The following SKAP1 variants were observed in gnomAD, a reference collection of about 807,000 sequenced individuals.
The protein encoded by SKAP1 is src kinase associated phosphoprotein 1, also known as src kinase-associated phosphoprotein 1.
SKAP1 carries 44 observed loss-of-function variants against 58.5 expected under a neutral mutation model. The observed-to-expected ratio is 0.75, with a 90% confidence interval of 0.59 to 0.97. SKAP1 has a LOEUF of 0.97. Among genes scored for constraint, SKAP1 ranks in the 50% least tolerant of loss-of-function variants. The pLI, the probability that SKAP1 is intolerant of heterozygous loss-of-function variation, is 0.00. For missense variants in SKAP1, 390 were observed against 435.2 expected (o/e 0.90, Z 0.92); for synonymous variants, 127 against 149.7 (o/e 0.85, Z 1.11).
intron 4 of SKAP1, among the ~76,000 whole-genome samples, chr17:48,242,099 C>T (rs967956098): frequency 8.5e-5 from 13 of 152,196 alleles, no homozygotes; most frequent in Admixed American, 1.3e-4. Flanking sequence ...TCTGCGTTTG[C>T]AGTAACTGCT....
chr17:48,260,382 G>C (rs368641872), intron 4 of SKAP1, among the ~76,000 whole-genome samples: 1 of 152,110 alleles, frequency 6.6e-6, no homozygotes, highest in African/African-American at 2.4e-5. Flanking sequence ...TTGTGTACAA[G>C]AGGCTATTAA....
At chr17:48,307,254 G>A (rs550934800) in intron 4 of SKAP1, 1 of 152,340 alleles carries the variant, frequency 6.6e-6, no homozygotes, top group East Asian at 1.9e-4. Context: ...CATTTTGGTA[G>A]AACTATTCCA....
chr17:48,413,523 A>AAAAAATATATATATATATATATATATAT, intron 1 of SKAP1, among the ~76,000 whole-genome samples: 1 of 105,462 alleles, frequency 9.5e-6, no homozygotes, highest in Non-Finnish European at 1.9e-5. Flanking sequence ...TCAAAAAAAA[A>AAAAAATATATATATATATATATATATAT]ATATATATAT....
intron 4 of SKAP1, among the ~76,000 whole-genome samples, chr17:48,341,350 T>C (rs2066649096): frequency 6.6e-6 from 1 of 152,158 alleles, no homozygotes; most frequent in Admixed American, 6.5e-5. Context: ...TTAAAATAGA[T>C]TCATATCTAA....
intron 2 of SKAP1, among the ~76,000 whole-genome samples, chr17:48,365,729 G>A (rs1456681796): frequency 1.3e-5 from 2 of 150,888 alleles, no homozygotes; most frequent in African/African-American, 2.4e-5. Flanking sequence ...TATAAGGGAT[G>A]CTTTTCTATC....
At chr17:48,221,940 A>T (rs68144131) in intron 4 of SKAP1, among the ~76,000 whole-genome samples, 4,821 of 152,286 alleles carry the variant, frequency 0.032, 93 homozygotes, top group East Asian at 0.053. Context: ...CTGATGATAA[A>T]GGAGGGAGAA....
intron 4 of SKAP1, among the ~76,000 whole-genome samples, chr17:48,331,415 A>T (rs1166781691): frequency 6.6e-6 from 1 of 152,168 alleles, no homozygotes; most frequent in African/African-American, 2.4e-5. Flanking sequence ...AGATAATCAC[A>T]TAGGCTGGGC....
chr17:48,405,442 TTTCTTTCTTTTCTTTCTTTCTTTCC>T (rs2067565393), intron 1 of SKAP1, among the ~76,000 whole-genome samples: 1 of 78,342 alleles, frequency 1.3e-5, no homozygotes, highest in Non-Finnish European at 2.7e-5. Context: ...TCTTTCTTTC[TTTCTTTCTTTTCTTTCTTTCTTTCC>T]TTCCTTCCTT....
rs752051232 is a variant in SKAP1 at position 48,182,558 on chromosome 17, A to G, written c.568-101T>C. On this transcript the variant is annotated intron_variant, in intron 7 of 12. Coordinates refer to ENST00000336915, the MANE Select transcript of SKAP1 (RefSeq NM_003726.4). Reference sequence around the variant, plus strand: ...GAGGAACCACTGAGTTTCAGAGTCAAGTTTAAAGCTCAGGATTCTCTGCCT... The same window carrying G: ...GAGGAACCACTGAGTTTCAGAGTCAGGTTTAAAGCTCAGGATTCTCTGCCT... 109 of 775,946 alleles carry G rather than the reference A, an allele frequency of 1.4e-4. No individual in the cohort carries two copies. The Middle Eastern group carries it at 1.9e-3, about 13-fold the overall frequency. 48.1% of individuals were successfully genotyped at this position (775,946 alleles called of 1,614,324 possible).
intron 1 of SKAP1, among the ~76,000 whole-genome samples, chr17:48,401,199 G>A (rs554688281): frequency 6.6e-6 from 1 of 152,088 alleles, no homozygotes; most frequent in Non-Finnish European, 1.5e-5. Context: ...CCAGCCACTT[G>A]GGAGGCTGAG....
chr17:48,265,786 G>A (rs1031140217), intron 4 of SKAP1, among the ~76,000 whole-genome samples: 2 of 152,092 alleles, frequency 1.3e-5, no homozygotes, highest in African/African-American at 4.8e-5. Context: ...ACCTTTGGGA[G>A]CTGTATCTGC....
intron 4 of SKAP1, among the ~76,000 whole-genome samples, chr17:48,279,251 C>T (rs146884250): frequency 6.6e-6 from 1 of 152,074 alleles, no homozygotes; most frequent in Non-Finnish European, 1.5e-5. Context: ...ATCCTCAGGG[C>T]GCTGGTAGAA....
chr17:48,374,207 G>GT (rs5820697), intron 2 of SKAP1, among the ~76,000 whole-genome samples: 147 of 90,284 alleles, frequency 1.6e-3, no homozygotes, highest in South Asian at 6.8e-3. Flanking sequence ...GCTAATTTTT[G>GT]TTTTTTTTTT....
chr17:48,359,117 C>A (rs1171753880), intron 3 of SKAP1, among the ~76,000 whole-genome samples: 2 of 151,750 alleles, frequency 1.3e-5, no homozygotes, highest in African/African-American at 4.8e-5. Context: ...CAATCTCAAC[C>A]TTTTTCTTTT....
At chr17:48,205,662 A>G (rs151083157) in intron 4 of SKAP1, among the ~76,000 whole-genome samples, 56 of 152,196 alleles carry the variant, frequency 3.7e-4, no homozygotes, top group Middle Eastern at 6.8e-3. Context: ...CTTCTGAATC[A>G]GGGGGGAGAA....
intron 2 of SKAP1, among the ~76,000 whole-genome samples, chr17:48,389,767 G>A (rs935170401): frequency 6.6e-6 from 1 of 152,094 alleles, no homozygotes; most frequent in African/African-American, 2.4e-5. Flanking sequence ...GATTCACATG[G>A]TGTGATTATA....
chr17:48,140,988 T>C (rs1038462793), intron 11 of SKAP1, among the ~76,000 whole-genome samples: 1 of 152,050 alleles, frequency 6.6e-6, no homozygotes, highest in African/African-American at 2.4e-5. Context: ...GGTTTCACCA[T>C]ATTGGCCAGG....
chr17:48,165,033 C>A (rs2064117795), intron 10 of SKAP1, among the ~76,000 whole-genome samples: 1 of 152,208 alleles, frequency 6.6e-6, no homozygotes, highest in Non-Finnish European at 1.5e-5. Context: ...ACACATGAGC[C>A]CTCCTCTCAA....
chr17:48,329,568 G>T (rs1478095949), intron 4 of SKAP1, among the ~76,000 whole-genome samples: 1 of 152,146 alleles, frequency 6.6e-6, no homozygotes, highest in South Asian at 2.1e-4. Flanking sequence ...TTAGCCGGGC[G>T]TGGCGGCAGG....
Sources: gnomAD v4.1 joint callset for allele counts (sites outside exome capture counted in the v4.1 genomes callset) on GRCh38, gnomAD v4.1.1 for gene constraint, MANE v1.5 for transcripts, NCBI Gene and HGNC (gene_info 2026-07-23, HGNC 2026-07-21) for gene names.